Variants in SOCS5 observed in about 807,000 individuals in gnomAD.
SOCS5 encodes the protein suppressor of cytokine signaling 5.
SOCS5 carries 32 observed loss-of-function variants against 42.8 expected under a neutral mutation model. That is an observed-to-expected ratio of 0.75 (90% CI 0.56 to 1.01). The LOEUF is 1.01. Among genes scored for constraint, SOCS5 ranks in the 50% least tolerant of loss-of-function variants. The pLI is 0.00. For synonymous variants in SOCS5, 283 were observed against 229.6 expected, an observed-to-expected ratio of 1.23 and a Z score of -2.10; for missense variants, 627 against 653.0, an observed-to-expected ratio of 0.96 and a Z score of 0.43.
At chr2:46,707,137 A>T (rs1393476401) in intron 1 of SOCS5, among the ~76,000 whole-genome samples, 1 of 152,144 alleles carries the variant, frequency 6.6e-6, no homozygotes, top group Admixed American at 6.5e-5. Context: ...GGTGTTAAAG[A>T]TGAGAGGAAA....
intron 1 of SOCS5, among the ~76,000 whole-genome samples, chr2:46,752,966 C>A (rs41375646): frequency 0.061 from 9,270 of 152,264 alleles, 305 homozygotes; most frequent in Middle Eastern, 0.13. Context: ...AGCCATCTCT[C>A]CTATCACCAT....
rs1673884749 is a variant in SOCS5 at position 46,762,105 on chromosome 2, TG to T, written c.*1968del. ...AAGACTTGTCCCTTTTAAAGCAAAA[TG>T]GGGATTGAAGGGACTTATAATTTCT... is the stretch of plus-strand genomic sequence containing the variant. On this transcript the variant is annotated 3_prime_UTR_variant, in exon 2 of 2. Coordinates refer to ENST00000394861, the MANE Select transcript of SOCS5 (RefSeq NM_144949.3). The T allele has an allele frequency of 6.0e-6, 1 of 166,982 alleles. No individual in the cohort carries two copies. The highest frequency in any genetic ancestry group is 6.5e-5 in the Admixed American group (1 of 15,278). 10.3% of individuals were successfully genotyped at this position (166,982 alleles called of 1,614,324 possible).
In SOCS5 at chr2:46,726,720, CAGTATTTTTCAGTTCTAAATTA is replaced by C. The variant is rs201222607; in HGVS notation, c.-13+27272_-13+27293del. Among the ~76,000 whole-genome samples, 96 of 146,316 alleles carry C rather than the reference CAGTATTTTTCAGTTCTAAATTA, an allele frequency of 6.6e-4. No individual in the cohort carries two copies. In the East Asian group the frequency reaches 9.7e-3, roughly 15 times the overall value. On this transcript the variant is annotated intron_variant, in intron 1 of 1. Transcript: ENST00000394861. ...CCCATCCAGTGATTAATTTCAGTTA[CAGTATTTTTCAGTTCTAAATTA>C]TTATTATTATTATTATTATTATTAT...
At chr2:46,731,599 G>A (rs562366577) in intron 1 of SOCS5, among the ~76,000 whole-genome samples, 1 of 152,324 alleles carries the variant, frequency 6.6e-6, no homozygotes, top group South Asian at 2.1e-4. Context: ...CTGTGGATGT[G>A]GTATGTTGGA....
chr2:46,716,107 CCCCCT>C (rs1279524077), intron 1 of SOCS5, among the ~76,000 whole-genome samples: 2 of 108,270 alleles, frequency 1.8e-5, no homozygotes, highest in African/African-American at 8.7e-5. Context: ...GTCAGACACC[CCCCCT>C]TTTTTTTTTT....
chr2:46,727,244 G>A (rs1319333099), intron 1 of SOCS5, among the ~76,000 whole-genome samples: 1 of 148,060 alleles, frequency 6.8e-6, no homozygotes, highest in African/African-American at 2.5e-5. Flanking sequence ...CGCCTCCCGG[G>A]TTCACGCCAT....
At chr2:46,704,194 A>G (rs1032874329) in intron 1 of SOCS5, among the ~76,000 whole-genome samples, 3 of 152,188 alleles carry the variant, frequency 2.0e-5, no homozygotes, top group African/African-American at 7.2e-5. Context: ...TTGTATTTGA[A>G]ATGGGCTTAT....
chr2:46,705,463 A>T (rs1046112566), intron 1 of SOCS5, among the ~76,000 whole-genome samples: 44 of 152,342 alleles, frequency 2.9e-4, no homozygotes, highest in African/African-American at 1.0e-3. Context: ...TTTTGAGGTC[A>T]CAAAAGTCTT....
chr2:46,716,843 T>A (rs1402754309), intron 1 of SOCS5, among the ~76,000 whole-genome samples: 2 of 152,192 alleles, frequency 1.3e-5, no homozygotes, highest in African/African-American at 4.8e-5. Flanking sequence ...AATTTTTGTT[T>A]GTTTCCAGAC....
Position 46,760,362 on chromosome 2 carries a change from A to T in SOCS5, c.*221A>T. On this transcript the variant is annotated 3_prime_UTR_variant, in exon 2 of 2. Coordinates refer to ENST00000394861, the MANE Select transcript of SOCS5 (RefSeq NM_144949.3). ...ACAGGTGTTCAGTAAGACTACAAAA[A>T]CATTTTGCCTATTTCGCTAACAGTT... The T allele has an allele frequency of 2.1e-6, 1 of 466,358 alleles. No individual in the cohort carries two copies. Among genetic ancestry groups the T allele is most frequent in the African/African-American group, 2.0e-5 (1 of 50,400 alleles). 28.9% of individuals were successfully genotyped at this position (466,358 alleles called of 1,614,324 possible). A position where few individuals can be genotyped will look rare whatever the true frequency, so the allele number is the denominator to read the frequency against.
intron 1 of SOCS5, among the ~76,000 whole-genome samples, chr2:46,738,159 T>A (rs1673294229): frequency 6.6e-6 from 1 of 152,154 alleles, no homozygotes; most frequent in Non-Finnish European, 1.5e-5. Context: ...AAGCAGGGCC[T>A]GATTATGGGT....
At chr2:46,740,185 A>C (rs1458075203) in intron 1 of SOCS5, among the ~76,000 whole-genome samples, 1 of 152,190 alleles carries the variant, frequency 6.6e-6, no homozygotes. Context: ...CTGTGCTTTC[A>C]ATCGTGAATG....
In SOCS5 at chr2:46,762,433, T is replaced by C. The variant is rs1673890689; in HGVS notation, c.*2292T>C. On this transcript the variant is annotated 3_prime_UTR_variant, in exon 2 of 2. Transcript: ENST00000394861. ...ATATGCTTGTAGCAAATTGATGTTC[T>C]AACTGTAGTTTTATAGAAAGTATTA... 1 of 166,502 alleles carries C rather than the reference T, an allele frequency of 6.0e-6. No homozygotes were observed. Among genetic ancestry groups the C allele is most frequent in the South Asian group, 2.1e-4 (1 of 4,832 alleles). 10.3% of individuals were successfully genotyped at this position (166,502 alleles called of 1,614,324 possible).
In SOCS5 at chr2:46,760,685, T is replaced by C. The variant is rs879363838; in HGVS notation, c.*544T>C. On this transcript the variant is annotated 3_prime_UTR_variant, in exon 2 of 2. Coordinates refer to ENST00000394861, the MANE Select transcript of SOCS5 (RefSeq NM_144949.3). ...AGTGCAGTTCACTTACGTGTTGATGTAGTTTATAATCAGACGCCTTTTCTC... is the reference window on the plus strand; with the variant it reads ...AGTGCAGTTCACTTACGTGTTGATGCAGTTTATAATCAGACGCCTTTTCTC... 1.2e-5 allele frequency: 2 copies of C among 167,376 alleles called. No homozygotes were observed. The highest frequency in any genetic ancestry group is 2.4e-5 in the African/African-American group (1 of 41,472). The allele number at this position is 167,376 out of a possible 1,614,324, so 10.4% of individuals were successfully genotyped here.
At chr2:46,740,127 A>G (rs1192855256) in intron 1 of SOCS5, among the ~76,000 whole-genome samples, 1 of 152,196 alleles carries the variant, frequency 6.6e-6, no homozygotes, top group African/African-American at 2.4e-5. Flanking sequence ...TGCTATTCCT[A>G]CAATCATGTC....
chr2:46,759,288 C>T lies in SOCS5; in HGVS notation c.758C>T (p.Ser253Phe). 6.2e-7 allele frequency: 1 copy of T among 1,614,010 alleles called. No homozygotes were observed. The highest frequency in any genetic ancestry group is 8.5e-7 in the Non-Finnish European group (1 of 1,179,862). Residue 253 changes from serine to phenylalanine, a missense_variant, in exon 2 of 2, where the codon TCT (serine) becomes TTT (phenylalanine). By Grantham distance (155) the Ser-to-Phe change is radical (BLOSUM62 -2). This residue lies in a region of SOCS5 where 340 missense variants were observed against 367.6 expected (regional missense o/e 0.92). Transcript: ENST00000394861. ...HSTFFDTFDP[S>F]LVSTEDEEDR... ...ACATTTTTTGATACATTTGATCCAT[C>T]TTTGGTTTCTACAGAAGATGAAGAA... is the stretch of plus-strand genomic sequence containing the variant.
intron 1 of SOCS5, among the ~76,000 whole-genome samples, chr2:46,738,211 A>T (rs1445118981): frequency 6.6e-6 from 1 of 152,174 alleles, no homozygotes; most frequent in Non-Finnish European, 1.5e-5. Flanking sequence ...CAAACTGTTG[A>T]ATGTTCCTAA....
At chr2:46,710,419 A>C (rs1467277544) in intron 1 of SOCS5, among the ~76,000 whole-genome samples, 1 of 152,236 alleles carries the variant, frequency 6.6e-6, no homozygotes, top group African/African-American at 2.4e-5. Flanking sequence ...TGTTGGGATT[A>C]CAGGTGTGAG....
Position 46,750,201 on chromosome 2 carries a change from G to A in SOCS5, c.-12-8318G>A, listed in dbSNP as rs151301997. On this transcript the variant is annotated intron_variant, in intron 1 of 1. Transcript: ENST00000394861. ...TTATTGCCTATCCGCTTTTCATTCTGGTGCCCTAAGCAAAGCATAGGCAGT... is the reference window on the plus strand; with the variant it reads ...TTATTGCCTATCCGCTTTTCATTCTAGTGCCCTAAGCAAAGCATAGGCAGT... 7.2e-4 allele frequency among the ~76,000 whole-genome samples: 109 copies of A among 152,168 alleles called. 1 individual carries two copies. The highest frequency in any genetic ancestry group is 2.5e-3 in the African/African-American group (102 of 41,530).
Sources: gnomAD v4.1 joint callset for allele counts (sites outside exome capture counted in the v4.1 genomes callset) on GRCh38, gnomAD v4.1.1 for gene constraint, gnomAD v4.1.1 regional missense constraint, MANE v1.5 for transcripts, NCBI Gene and HGNC (gene_info 2026-07-23, HGNC 2026-07-21) for gene names.